The following NSUN6 variants were observed in gnomAD, a reference collection of about 807,000 sequenced individuals.
NSUN6 encodes NOP2/Sun RNA methyltransferase 6.
A neutral mutation model predicts 58.0 loss-of-function variants in NSUN6; 64 were observed. The ratio of observed to expected loss-of-function variants is 1.10; its 90% CI spans 0.90 to 1.36. The LOEUF (loss-of-function observed/expected upper bound fraction) is 1.36, where lower values mean the gene tolerates loss of function less well. Ranked by LOEUF, NSUN6 falls within the 40% of genes most tolerant of loss-of-function variation. The pLI is 0.00. For synonymous variants in NSUN6, 231 were observed against 193.9 expected, an observed-to-expected ratio of 1.19 and a Z score of -1.59; for missense variants, 701 against 550.1, an observed-to-expected ratio of 1.27 and a Z score of -2.74.
At chr10:18,559,381 G>C (rs2055305180) in intron 8 of NSUN6, among the ~76,000 whole-genome samples, 1 of 148,082 alleles carries the variant, frequency 6.8e-6, no homozygotes, top group South Asian at 2.1e-4. Flanking sequence ...ATGGAAGGGA[G>C]AATATAATGG....
chr10:18,568,399 C>CTCCATTCCAT (rs147853409), intron 8 of NSUN6, among the ~76,000 whole-genome samples: 2 of 147,674 alleles, frequency 1.4e-5, no homozygotes, highest in African/African-American at 5.0e-5. Context: ...CCATTCCATT[C>CTCCATTCCAT]TCCATTCCAT....
chr10:18,609,045 A>G (rs2058138219), intron 6 of NSUN6, among the ~76,000 whole-genome samples: 1 of 152,178 alleles, frequency 6.6e-6, no homozygotes, highest in Non-Finnish European at 1.5e-5. Context: ...ACGGTGGCTC[A>G]CACCTATAAT....
intron 8 of NSUN6, among the ~76,000 whole-genome samples, chr10:18,557,470 A>AGAATGGAATGGAATAGAGCATG (rs2055123454): frequency 6.6e-6 from 1 of 150,590 alleles, no homozygotes; most frequent in Non-Finnish European, 1.5e-5. Flanking sequence ...AATGGAATAG[A>AGAATGGAATGGAATAGAGCATG]GAATGGAATG....
intron 8 of NSUN6, among the ~76,000 whole-genome samples, chr10:18,571,942 T>C (rs2130985358): frequency 6.6e-6 from 1 of 151,514 alleles, no homozygotes. Context: ...CCATTCTCCA[T>C]TCCATTCCAT....
intron 5 of NSUN6, among the ~76,000 whole-genome samples, chr10:18,613,771 G>A (rs774554075): frequency 2.0e-5 from 3 of 152,130 alleles, no homozygotes; most frequent in Non-Finnish European, 4.4e-5. Context: ...ATGAAAAACT[G>A]TTCCACCAAT....
Position 18,628,670 on chromosome 10 carries a change from C to A in NSUN6, c.312-12377G>T, listed in dbSNP as rs576131562. ...AAGGGTATCAGCGATGGAAGATGAA[C>A]TGAATGAAATGAAGCAAGAAGGGAA... On this transcript the variant is annotated intron_variant, in intron 3 of 10. Coordinates refer to ENST00000377304, the MANE Select transcript of NSUN6 (RefSeq NM_182543.5). Among the ~76,000 whole-genome samples the A allele has an allele frequency of 1.1e-4, 16 of 151,888 alleles. No individual in the cohort carries two copies. The East Asian group carries it at 1.9e-3, about 18-fold the overall frequency.
chr10:18,586,615 G>T (rs1048125544), intron 7 of NSUN6, among the ~76,000 whole-genome samples: 1 of 152,154 alleles, frequency 6.6e-6, no homozygotes, highest in Non-Finnish European at 1.5e-5. Context: ...CCTCCCAGTG[G>T]GTTCGTGGTC....
intron 3 of NSUN6, among the ~76,000 whole-genome samples, chr10:18,640,484 T>C (rs1039070912): frequency 6.6e-6 from 1 of 152,188 alleles, no homozygotes; most frequent in Non-Finnish European, 1.5e-5. Flanking sequence ...CCTAAATAAG[T>C]ACAATTTTGC....
chr10:18,546,287 G>T, intron 10 of NSUN6, 142 bp from the exon 11 acceptor site: 2 of 693,416 alleles, frequency 2.9e-6, no homozygotes, highest in Non-Finnish European at 5.2e-6. Flanking sequence ...CTTTCATTTT[G>T]GTGGAACATA....
At chr10:18,649,632 A>AT (rs2059647918) in intron 1 of NSUN6, among the ~76,000 whole-genome samples, 1 of 152,040 alleles carries the variant, frequency 6.6e-6, no homozygotes, top group Non-Finnish European at 1.5e-5. Flanking sequence ...TGTCTCAAAA[A>AT]AAAAAAAAAA....
At chr10:18,584,310 A>G (rs2057033623) in intron 8 of NSUN6, among the ~76,000 whole-genome samples, 1 of 152,214 alleles carries the variant, frequency 6.6e-6, no homozygotes, top group Non-Finnish European at 1.5e-5. Flanking sequence ...ACCTTATAAA[A>G]GTTTCCGCTT....
intron 8 of NSUN6, among the ~76,000 whole-genome samples, chr10:18,584,709 A>G (rs2057049292): frequency 6.6e-6 from 1 of 152,212 alleles, no homozygotes; most frequent in African/African-American, 2.4e-5. Flanking sequence ...ACAAATGCAA[A>G]AAGATCCACA....
Position 18,600,623 on chromosome 10 carries a change from A to G in NSUN6, c.658-4296T>C, listed in dbSNP as rs533599751. 2.6e-5 allele frequency among the ~76,000 whole-genome samples: 4 copies of G among 151,574 alleles called. No homozygotes were observed. In the South Asian group the frequency reaches 8.3e-4, roughly 32 times the overall value. ...TGGGAGACAAAGCCTCAATAAAACAAAAAAAGAGAAGAGACTACTACCTGG... is the reference window on the plus strand; with the variant it reads ...TGGGAGACAAAGCCTCAATAAAACAGAAAAAGAGAAGAGACTACTACCTGG... On this transcript the variant is annotated intron_variant, in intron 6 of 10. Transcript: ENST00000377304.
At chr10:18,651,645 C>G (rs1321426581), upstream of NSUN6, 1 of 985,954 alleles carries the variant, frequency 1.0e-6, no homozygotes, top group African/African-American at 1.7e-5. Flanking sequence ...GCTTACGTCA[C>G]GTCCGGCGCC....
intron 6 of NSUN6, among the ~76,000 whole-genome samples, chr10:18,604,499 G>C (rs1564789695): frequency 6.6e-6 from 1 of 152,126 alleles, no homozygotes; most frequent in Non-Finnish European, 1.5e-5. Context: ...GAACTTGTTA[G>C]AAATACAGAA....
rs1448334215 is a variant in NSUN6 at position 18,566,496 on chromosome 10, CATTCCATTCTCCATTCT to C, written c.923-14542_923-14526del. Among the ~76,000 whole-genome samples, 893 of 146,132 alleles carry C rather than the reference CATTCCATTCTCCATTCT, an allele frequency of 6.1e-3. 15 individuals carry two copies. Among genetic ancestry groups the C allele is most frequent in the South Asian group, 0.036 (171 of 4,698 alleles). Reference sequence around the variant, plus strand: ...CTCCATTCCATTCCATTCTCCATTCCATTCCATTCTCCATTCTATTCCACTCCATTCTACATTCCTGT... The same window carrying C: ...CTCCATTCCATTCCATTCTCCATTCCATTCCACTCCATTCTACATTCCTGT... On this transcript the variant is annotated intron_variant, in intron 8 of 10. Coordinates refer to ENST00000377304, the MANE Select transcript of NSUN6 (RefSeq NM_182543.5).
At chr10:18,590,101 T>C (rs1389125126) in intron 7 of NSUN6, among the ~76,000 whole-genome samples, 5 of 149,218 alleles carry the variant, frequency 3.4e-5, no homozygotes, top group Admixed American at 6.7e-5. Context: ...AAAGTAGGGG[T>C]TGCAATCCTA....
chr10:18,553,441 T>G (rs1448610801), intron 8 of NSUN6, among the ~76,000 whole-genome samples: 4 of 147,840 alleles, frequency 2.7e-5, no homozygotes, highest in Non-Finnish European at 6.0e-5. Flanking sequence ...TGGAATGGAA[T>G]GCGAAATGGA....
Position 18,576,598 on chromosome 10 carries a change from A to G in NSUN6, c.922+9351T>C, listed in dbSNP as rs539961892. Among the ~76,000 whole-genome samples, 5 of 152,212 alleles carry G rather than the reference A, an allele frequency of 3.3e-5. No individual in the cohort carries two copies. In the East Asian group the frequency reaches 9.7e-4, roughly 29 times the overall value. On this transcript the variant is annotated intron_variant, in intron 8 of 10. Transcript: ENST00000377304. ...TCTCTGCTACATCCCGAAGTTTGAC[A>G]CCCTGCAGGTCAGCCCCCGAGGGCC...
Sources: gnomAD v4.1 joint callset for allele counts (sites outside exome capture counted in the v4.1 genomes callset) on GRCh38, gnomAD v4.1.1 for gene constraint, MANE v1.5 for transcripts, NCBI Gene and HGNC (gene_info 2026-07-23, HGNC 2026-07-21) for gene names.